Variants in NRXN2 observed in about 807,000 individuals in gnomAD.
The protein encoded by NRXN2 is neurexin 2.
Under a neutral mutation model 128.8 loss-of-function variants are expected in NRXN2, and 29 were observed. The ratio of observed to expected loss-of-function variants is 0.23; its 90% CI spans 0.17 to 0.31. NRXN2 has a LOEUF of 0.31. Among genes scored for constraint, NRXN2 ranks in the 10% least tolerant of loss-of-function variants. The probability of loss-of-function intolerance (pLI) is 1.00; values close to 1 mark genes in which losing one functional copy is unlikely to be tolerated. For missense variants in NRXN2, 1,881 were observed against 2,452.6 expected, an observed-to-expected ratio of 0.77 and a Z score of 4.92; for synonymous variants, 1,098 against 1,075.2, an observed-to-expected ratio of 1.02 and a Z score of -0.41.
At position 64,635,376 on chromosome 11, in the gene NRXN2, C is replaced by T. The variant is rs1305522138; in HGVS notation, c.3480G>A (p.Thr1160=). ...YTWPPNDRPS[T]RMDRLAVGFS... is the part of the protein sequence containing the mutation. ...AGCCCACGGCCAGGCGATCCATCCT[C>T]GTGCTGGGCCTGTCATTGGGGGGCC... is the stretch of plus-strand genomic sequence containing the variant. Residue 1160 remains threonine, a synonymous_variant, in exon 18 of 23, where the codon ACG becomes ACA. Transcript: ENST00000265459. This position sits in a 1 kb window ranked among gnomAD's most constrained non-coding sequence, Gnocchi z 4.8. 4 of 1,613,782 alleles carry T rather than the reference C, an allele frequency of 2.5e-6. No individual in the cohort carries two copies. Among genetic ancestry groups the T allele is most frequent in the East Asian group, 2.2e-5 (1 of 44,878 alleles).
At chr11:64,636,119 G>A (rs1049472286) in intron 17 of NRXN2, among the ~76,000 whole-genome samples, 6 of 151,914 alleles carry the variant, frequency 3.9e-5, no homozygotes, top group East Asian at 1.9e-4. Flanking sequence ...GTGGGGGAGG[G>A]GGGAGAGGGG....
chr11:64,608,100 A>T lies in NRXN2; in HGVS notation c.4253-18T>A. The T allele has an allele frequency of 6.4e-7, 1 of 1,573,796 alleles. No individual in the cohort carries two copies. Among genetic ancestry groups the T allele is most frequent in the Admixed American group, 1.7e-5 (1 of 58,218 alleles). ...CTCTCCTCCTAGAACAAGAGAGAGA[A>T]GAGAAAAGAGAGGGCGTCAGCGAGG... On this transcript the variant is annotated intron_variant, in intron 22 of 22. Coordinates refer to ENST00000265459, the MANE Select transcript of NRXN2 (RefSeq NM_015080.4).
chr11:64,721,812 T>A (rs2057439306), intron 1 of NRXN2, among the ~76,000 whole-genome samples: 1 of 151,892 alleles, frequency 6.6e-6, no homozygotes, highest in Admixed American at 6.5e-5. Flanking sequence ...AAAACAGGGC[T>A]ATCTGGAAGC....
At chr11:64,642,606 G>A in intron 17 of NRXN2, 2 of 1,610,724 alleles carry the variant, frequency 1.2e-6, no homozygotes, top group Non-Finnish European at 1.7e-6. Flanking sequence ...GCTTGCTGTG[G>A]AAGTGGTGGA....
intron 22 of NRXN2, among the ~76,000 whole-genome samples, chr11:64,616,103 T>A (rs2041475014): frequency 6.6e-6 from 1 of 152,070 alleles, no homozygotes; most frequent in Admixed American, 6.6e-5. Context: ...GAACAAATTG[T>A]GTGTGTATGA....
intron 18 of NRXN2, among the ~76,000 whole-genome samples, chr11:64,633,743 C>A (rs2044278809): frequency 6.6e-6 from 1 of 152,176 alleles, no homozygotes; most frequent in South Asian, 2.1e-4. Context: ...TGACACACAT[C>A]ACCATGCATC....
Position 64,668,476 on chromosome 11 carries a change from G to C in NRXN2, c.1326C>G (p.Pro442=). ...GGCAGCCCATGAAGTTGTTGCTGAC[G>C]GGCGAGCCCGGCAGGTCAGCTGTGT... The part of the protein sequence containing the change: ...SPNTADLPGS[P]VSNNFMGCLK... The change falls in exon 8 of 23, where the codon CCC becomes CCG. Residue 442 remains proline, a synonymous_variant. Coordinates refer to ENST00000265459, the MANE Select transcript of NRXN2 (RefSeq NM_015080.4). The C allele has an allele frequency of 4.3e-6, 7 of 1,614,038 alleles. No individual in the cohort carries two copies. The highest frequency in any genetic ancestry group is 5.9e-6 in the Non-Finnish European group (7 of 1,180,026).
rs2046972731 is a variant in NRXN2 at position 64,648,150 on chromosome 11, T to G, written c.3403+69A>C. On this transcript the variant is annotated intron_variant, in intron 17 of 22. Transcript: ENST00000265459. The surrounding 1 kb of genome is among the most constrained non-coding windows in gnomAD (Gnocchi z 4.1). The stretch of plus-strand genomic sequence containing the variant: ...ATGCTCAGAGGCCCTGTTTCCTCCC[T>G]GGCAGCCCCTATGGCTGGGAATGGA... 1.9e-6 allele frequency: 3 copies of G among 1,609,252 alleles called. No homozygotes were observed. Among genetic ancestry groups the G allele is most frequent in the Non-Finnish European group, 2.5e-6 (3 of 1,176,762 alleles).
chr11:64,677,665 G>C (rs2051540641), intron 6 of NRXN2, among the ~76,000 whole-genome samples: 1 of 152,204 alleles, frequency 6.6e-6, no homozygotes, highest in Non-Finnish European at 1.5e-5. Context: ...TGCAGTATTA[G>C]TAAGTCCTAT....
chr11:64,649,290 C>A (rs756598206), intron 15 of NRXN2, among the ~76,000 whole-genome samples: 2 of 152,146 alleles, frequency 1.3e-5, no homozygotes, highest in Non-Finnish European at 2.9e-5. Flanking sequence ...GTTTCCCATT[C>A]CCAGAACTCC....
At chr11:64,705,207 AG>A (rs1233578684) in intron 2 of NRXN2, among the ~76,000 whole-genome samples, 1 of 152,180 alleles carries the variant, frequency 6.6e-6, no homozygotes, top group Non-Finnish European at 1.5e-5. Flanking sequence ...AACCAAATGC[AG>A]GTAATCAATA....
intron 17 of NRXN2, among the ~76,000 whole-genome samples, chr11:64,646,153 A>G (rs1456240744): frequency 2.0e-5 from 3 of 152,158 alleles, no homozygotes; most frequent in Admixed American, 2.0e-4. Context: ...CAGCACACTG[A>G]GCCCTGTGTG....
At chr11:64,645,058 G>A (rs2046427868) in intron 17 of NRXN2, among the ~76,000 whole-genome samples, 1 of 152,166 alleles carries the variant, frequency 6.6e-6, no homozygotes, top group Admixed American at 6.5e-5. Context: ...GAGGCTTCCG[G>A]TGGTGCAGGG....
Position 64,623,878 on chromosome 11 carries a change from C to A in NRXN2, c.3848-800G>T, listed in dbSNP as rs2042719706. 1 of 152,324 alleles carries A rather than the reference C, an allele frequency of 6.6e-6. No homozygotes were observed. The highest frequency in any genetic ancestry group is 1.5e-5 in the Non-Finnish European group (1 of 68,126). 9.4% of individuals were successfully genotyped at this position (152,324 alleles called of 1,614,324 possible). ...TCCAGCTCCAATCTCACCCCACACT[C>A]CAGTATGACACCTCAGAATTCCCAG... On this transcript the variant is annotated intron_variant, in intron 20 of 22. Transcript: ENST00000265459. The surrounding 1 kb of genome is among the most constrained non-coding windows in gnomAD (Gnocchi z 4.9).
At chr11:64,666,590 G>T (rs529258025) in intron 9 of NRXN2, among the ~76,000 whole-genome samples, 63 of 151,852 alleles carry the variant, frequency 4.1e-4, no homozygotes, top group Non-Finnish European at 7.8e-4. Context: ...CTGAGACAGA[G>T]TCTCGCTCTG....
chr11:64,649,137 T>C (rs1231479611), intron 15 of NRXN2, among the ~76,000 whole-genome samples: 1 of 152,182 alleles, frequency 6.6e-6, no homozygotes, highest in African/African-American at 2.4e-5. Context: ...CCCAGATGCC[T>C]GGGAGAGTGG....
rs2039882439 is a variant in NRXN2 at position 64,607,737 on chromosome 11, G to A, written c.4598C>T (p.Ala1533Val). 6.4e-7 allele frequency: 1 copy of A among 1,573,260 alleles called. No individual in the cohort carries two copies. Among genetic ancestry groups the A allele is most frequent in the African/African-American group, 1.4e-5 (1 of 73,824 alleles). The change falls in exon 23 of 23, where the codon GCT becomes GTT. Residue 1533 changes from alanine (A) to valine (V), a missense_variant. By Grantham distance (64) the Ala-to-Val change is moderately conservative (BLOSUM62 0). Coordinates refer to ENST00000265459, the MANE Select transcript of NRXN2 (RefSeq NM_015080.4). ...RTTLLSPRKP[A>V]PRPNLRTDGA... The stretch of plus-strand genomic sequence containing the variant: ...ATCTGTCCTGAGGTTGGGCCGGGGA[G>A]CGGGTTTGCGGGGTGACAGGAGGGT...
At chr11:64,642,194 C>G (rs1224726833) in intron 17 of NRXN2, among the ~76,000 whole-genome samples, 7 of 151,782 alleles carry the variant, frequency 4.6e-5, no homozygotes, top group Non-Finnish European at 8.8e-5. Context: ...AAATGGAAGG[C>G]AGAGCTGCAC....
At chr11:64,674,356 A>AT (rs984310768) in intron 7 of NRXN2, among the ~76,000 whole-genome samples, 5 of 151,780 alleles carry the variant, frequency 3.3e-5, no homozygotes, top group African/African-American at 9.7e-5. Context: ...ACACCCAGCT[A>AT]TTTTTTTGTA....
Sources: gnomAD v4.1 joint callset for allele counts (sites outside exome capture counted in the v4.1 genomes callset) on GRCh38, gnomAD v4.1.1 for gene constraint, Gnocchi (gnomAD v3.1) non-coding constraint, MANE v1.5 for transcripts, NCBI Gene and HGNC (gene_info 2026-07-23, HGNC 2026-07-21) for gene names.